The following VPS13B variants were observed in gnomAD, a reference collection of about 807,000 sequenced individuals.
The protein encoded by VPS13B is vacuolar protein sorting 13 homolog B, also known as intermembrane lipid transfer protein VPS13B.
In VPS13B, 285 loss-of-function variants were observed where a neutral mutation model predicts 426.4. The ratio of observed to expected loss-of-function variants is 0.67; its 90% CI spans 0.61 to 0.74. The LOEUF is 0.74. Ranked by LOEUF, VPS13B falls within the 30% of genes least tolerant of loss-of-function variation. The pLI, the probability that VPS13B is intolerant of heterozygous loss-of-function variation, is 0.00. For missense variants in VPS13B, 4,537 were observed against 4,782.6 expected (o/e 0.95, Z 1.51); for synonymous variants, 1,676 against 1,676.4 (o/e 1.00, Z 0.01).
intron 39 of VPS13B, among the ~76,000 whole-genome samples, chr8:99,734,576 G>A (rs980702720): frequency 2.4e-4 from 36 of 152,170 alleles, no homozygotes; most frequent in Admixed American, 2.4e-3. Context: ...GGTTTTAAGT[G>A]CTTGCTGAGA....
Position 99,817,745 on chromosome 8 carries a change from A to T in VPS13B, c.8303A>T (p.Asp2768Val). 1 of 1,614,112 alleles carries T rather than the reference A, an allele frequency of 6.2e-7. No homozygotes were observed. Among genetic ancestry groups the T allele is most frequent in the Non-Finnish European group, 8.5e-7 (1 of 1,179,988 alleles). ...TGTGTGAAGGCCAAAGGAGATGAAG[A>T]CTGGTCAAGAGATGTGTGCCTGGAA... ...ELCVKAKGDEDWSRDVCLESK... is the reference protein window; with the variant it reads ...ELCVKAKGDEVWSRDVCLESK... The change falls in exon 45 of 62, where the codon GAC becomes GTC. Residue 2768 changes from aspartate to valine, a missense_variant. Asp to Val is a radical substitution (Grantham distance 152, BLOSUM62 -3). This residue lies in a region of VPS13B where 4,311 missense variants were observed against 4,474.3 expected (regional missense o/e 0.96). Transcript: ENST00000357162.
At chr8:99,870,311 G>A (rs1176293538) in intron 59 of VPS13B, among the ~76,000 whole-genome samples, 1 of 151,988 alleles carries the variant, frequency 6.6e-6, no homozygotes, top group Non-Finnish European at 1.5e-5. Flanking sequence ...TAGGACTACA[G>A]GCATGCACCA....
At chr8:99,789,719 T>G (rs1429654652) in intron 43 of VPS13B, among the ~76,000 whole-genome samples, 11 of 152,086 alleles carry the variant, frequency 7.2e-5, no homozygotes, top group Non-Finnish European at 1.6e-4. Flanking sequence ...TATAGATATT[T>G]TATGGGATCT....
chr8:99,372,411 C>G (rs939262921), intron 19 of VPS13B, among the ~76,000 whole-genome samples: 12 of 152,282 alleles, frequency 7.9e-5, no homozygotes, highest in Non-Finnish European at 1.5e-4. Flanking sequence ...GCAATCTACT[C>G]ATCTGACAAA....
At chr8:99,023,174 C>T (rs1451943830) in intron 2 of VPS13B, among the ~76,000 whole-genome samples, 2 of 151,352 alleles carry the variant, frequency 1.3e-5, no homozygotes, top group Admixed American at 6.6e-5. Context: ...GCCCCTCCCA[C>T]CCCTTCTACC....
intron 39 of VPS13B, among the ~76,000 whole-genome samples, chr8:99,766,066 CTTT>C (rs71274933): frequency 1.9e-5 from 1 of 52,314 alleles, no homozygotes; most frequent in Non-Finnish European, 3.2e-5. Context: ...ACCTTCATTA[CTTT>C]TTTTTTTTTT....
intron 33 of VPS13B, among the ~76,000 whole-genome samples, chr8:99,627,923 C>T (rs1828684312): frequency 6.6e-6 from 1 of 152,178 alleles, no homozygotes; most frequent in Non-Finnish European, 1.5e-5. Context: ...CTCCTACGCA[C>T]CCCTCAACCA....
chr8:99,370,797 A>C (rs1813136178), intron 19 of VPS13B, among the ~76,000 whole-genome samples: 1 of 151,902 alleles, frequency 6.6e-6, no homozygotes, highest in Non-Finnish European at 1.5e-5. Context: ...TTTAATAGAG[A>C]TGGTGATTCA....
At chr8:99,592,735 A>G (rs1826757979) in intron 33 of VPS13B, among the ~76,000 whole-genome samples, 1 of 152,102 alleles carries the variant, frequency 6.6e-6, no homozygotes, top group African/African-American at 2.4e-5. Context: ...AATGAAACAG[A>G]ATAGAGAACT....
At chr8:99,574,200 G>A (rs1383399757) in intron 31 of VPS13B, among the ~76,000 whole-genome samples, 1 of 152,154 alleles carries the variant, frequency 6.6e-6, no homozygotes, top group Non-Finnish European at 1.5e-5. Context: ...GAAATTTTGG[G>A]CTGAGAGGAT....
chr8:99,522,853 G>A (rs1464203093), intron 30 of VPS13B, among the ~76,000 whole-genome samples: 1 of 152,186 alleles, frequency 6.6e-6, no homozygotes, highest in Non-Finnish European at 1.5e-5. Context: ...TCAGTGAAAT[G>A]CTGTATCATC....
intron 20 of VPS13B, among the ~76,000 whole-genome samples, chr8:99,388,710 C>T (rs1814260567): frequency 6.6e-6 from 1 of 152,204 alleles, no homozygotes; most frequent in Non-Finnish European, 1.5e-5. Flanking sequence ...CACTTAATGC[C>T]TGACATGCAG....
intron 3 of VPS13B, among the ~76,000 whole-genome samples, chr8:99,092,286 C>T (rs903270521): frequency 6.6e-6 from 1 of 152,006 alleles, no homozygotes; most frequent in African/African-American, 2.4e-5. Context: ...CTATGTGGTC[C>T]CCAAGAGAAA....
At chr8:99,504,595 C>T (rs1050559069) in intron 27 of VPS13B, among the ~76,000 whole-genome samples, 2 of 151,972 alleles carry the variant, frequency 1.3e-5, no homozygotes, top group African/African-American at 4.8e-5. Context: ...TTTTTCTACA[C>T]AAGCAGTCGT....
chr8:99,630,749 A>G (rs1400246624), intron 33 of VPS13B, among the ~76,000 whole-genome samples: 2 of 152,098 alleles, frequency 1.3e-5, no homozygotes, highest in Non-Finnish European at 2.9e-5. Flanking sequence ...GTTTATAAGT[A>G]AATATTGAAA....
chr8:99,465,250 C>T (rs1819052493), intron 23 of VPS13B, among the ~76,000 whole-genome samples: 1 of 151,966 alleles, frequency 6.6e-6, no homozygotes, highest in African/African-American at 2.4e-5. Flanking sequence ...GAAAGGAATA[C>T]TTGTGCAGTT....
chr8:99,661,348 CT>C lies in VPS13B; in HGVS notation c.5909-3del. On this transcript the variant is annotated splice_polypyrimidine_tract_variant and splice_region_variant and intron_variant, in intron 34 of 61. Coordinates refer to ENST00000357162, the MANE Select transcript of VPS13B (RefSeq NM_152564.5). ...GATGTTTTTAATTTCAATTTTGTCA[CT>C]TTAGATCCTGGGAAGACTCTGCCTG... 1 of 1,613,458 alleles carries C rather than the reference CT, an allele frequency of 6.2e-7. No individual in the cohort carries two copies. The highest frequency in any genetic ancestry group is 8.5e-7 in the Non-Finnish European group (1 of 1,179,676).
At chr8:99,142,738 A>G (rs1276721960) in intron 12 of VPS13B, among the ~76,000 whole-genome samples, 1 of 152,334 alleles carries the variant, frequency 6.6e-6, no homozygotes, top group East Asian at 1.9e-4. Context: ...TTTTGATTTT[A>G]TATTGCTTGT....
At chr8:99,398,360 T>A (rs1814853279) in intron 21 of VPS13B, among the ~76,000 whole-genome samples, 1 of 152,216 alleles carries the variant, frequency 6.6e-6, no homozygotes, top group African/African-American at 2.4e-5. Flanking sequence ...TGTATATGTG[T>A]GACACAATTC....
Sources: allele counts gnomAD v4.1 joint callset (sites outside exome capture counted in the v4.1 genomes callset), GRCh38; gene constraint gnomAD v4.1.1; regional missense constraint gnomAD v4.1.1; transcripts MANE v1.5; gene names NCBI Gene and HGNC (gene_info 2026-07-23, HGNC 2026-07-21).